The following RNF19B variants were observed in gnomAD, a reference collection of about 807,000 sequenced individuals.
The protein encoded by RNF19B is ring finger protein 19B, also known as E3 ubiquitin-protein ligase RNF19B.
Under a neutral mutation model 65.5 loss-of-function variants are expected in RNF19B, and 23 were observed. That is an observed-to-expected ratio of 0.35 (90% CI 0.25 to 0.50). The LOEUF is 0.50. Among genes scored for constraint, RNF19B ranks in the 20% least tolerant of loss-of-function variants. The pLI is 0.98. For synonymous variants in RNF19B, 372 were observed against 379.6 expected (o/e 0.98, Z 0.23); for missense variants, 794 against 980.0 (o/e 0.81, Z 2.53).
rs573825072 is a variant in RNF19B at position 32,941,569 on chromosome 1, G to A, written c.1610+683C>T. ...AAATAAAATAAAATAAATAAGCCAT[G>A]ATACAGCATAAATGCTACTGAAAGC... is the stretch of plus-strand genomic sequence containing the variant. On this transcript the variant is annotated intron_variant, in intron 7 of 8. Transcript: ENST00000235150. Among the ~76,000 whole-genome samples, 222 of 152,070 alleles carry A rather than the reference G, an allele frequency of 1.5e-3. 1 individual carries two copies. The highest frequency in any genetic ancestry group is 5.1e-3 in the African/African-American group (213 of 41,494).
At chr1:32,932,424 T>C (rs1240309024), downstream of RNF19B, among the ~76,000 whole-genome samples, 1 of 152,182 alleles carries the variant, frequency 6.6e-6, no homozygotes, top group Non-Finnish European at 1.5e-5. Context: ...CACTCCTCCT[T>C]CCACATCTTG....
At chr1:32,962,718 C>A (rs963766500) in intron 1 of RNF19B, among the ~76,000 whole-genome samples, 10 of 152,186 alleles carry the variant, frequency 6.6e-5, no homozygotes, top group African/African-American at 2.4e-4. Flanking sequence ...TACGTTTACA[C>A]ACTGCAAGGA....
At chr1:32,942,857 C>T (rs958626673) in intron 6 of RNF19B, among the ~76,000 whole-genome samples, 3 of 152,082 alleles carry the variant, frequency 2.0e-5, no homozygotes, top group Non-Finnish European at 4.4e-5. Flanking sequence ...GCTAGAAAAA[C>T]CGGCCGGGCG....
Position 32,964,239 on chromosome 1 carries a change from G to A in RNF19B, c.447C>T (p.Tyr149=), listed in dbSNP as rs759390897. 44 of 1,545,674 alleles carry A rather than the reference G, an allele frequency of 2.8e-5. No homozygotes were observed. In the Admixed American group the frequency reaches 4.1e-4, roughly 15 times the overall value. ...TGCTCTCGCTTATCTCCAGGCGCAG[G>A]TAGTGGCGGAGGCAGTCCCGGCACG... ...HRSCRDCLRH[Y]LRLEISESRV... Residue 149 remains tyrosine (Y), a synonymous_variant, in exon 1 of 9, where the codon TAC becomes TAT. Transcript: ENST00000235150. This position sits in a 1 kb window ranked among gnomAD's most constrained non-coding sequence, Gnocchi z 6.5.
Position 32,954,410 on chromosome 1 carries a change from C to T in RNF19B, c.636-4636G>A, listed in dbSNP as rs149452801. Among the ~76,000 whole-genome samples, 256 of 151,912 alleles carry T rather than the reference C, an allele frequency of 1.7e-3. 4 individuals are homozygous for T. Among genetic ancestry groups the T allele is most frequent in the African/African-American group, 6.0e-3 (247 of 41,458 alleles). ...TTTGGGTACCTGGTCTGAGCTCTTGCCTCTGACTCATGCTGCATGACATGA... is the reference window on the plus strand; with the variant it reads ...TTTGGGTACCTGGTCTGAGCTCTTGTCTCTGACTCATGCTGCATGACATGA... On this transcript the variant is annotated intron_variant, in intron 1 of 8. Transcript: ENST00000235150.
downstream of RNF19B, among the ~76,000 whole-genome samples, chr1:32,933,034 C>A (rs750958614): frequency 2.0e-5 from 3 of 152,162 alleles, no homozygotes; most frequent in African/African-American, 7.2e-5. Context: ...GCACTATCTA[C>A]CACTCTGTCT....
downstream of RNF19B, among the ~76,000 whole-genome samples, chr1:32,936,150 G>A (rs1211366595): frequency 6.6e-6 from 1 of 152,200 alleles, no homozygotes; most frequent in African/African-American, 2.4e-5. Context: ...AAAGTTTTAA[G>A]AGTAAATTGC....
rs777018166 is a variant in RNF19B, at chr1:32,948,211, T to G, written c.983+11A>C. The G allele has an allele frequency of 6.2e-7, 1 of 1,613,140 alleles. No homozygotes were observed. The highest frequency in any genetic ancestry group is 8.5e-7 in the Non-Finnish European group (1 of 1,179,386). On this transcript the variant is annotated intron_variant, in intron 3 of 8. Transcript: ENST00000235150. ...AGACTACGAAAGGAATGGATGCATT[T>G]CCCATCTTACCTGAGGTAATGCAAG...
downstream of RNF19B, among the ~76,000 whole-genome samples, chr1:32,933,212 T>C (rs979482214): frequency 6.6e-6 from 1 of 152,168 alleles, no homozygotes; most frequent in African/African-American, 2.4e-5. Context: ...GAAGGCTGTA[T>C]GAAGAGGAAA....
Position 32,955,556 on chromosome 1 carries a change from C to G in RNF19B, c.636-5782G>C, listed in dbSNP as rs1364758053. Reference sequence around the variant, plus strand: ...ACCAGTCTGGGCAACATGGCAAAACCCCATCTCTACAAAAAAAAAAAATAC... The same window carrying G: ...ACCAGTCTGGGCAACATGGCAAAACGCCATCTCTACAAAAAAAAAAAATAC... On this transcript the variant is annotated intron_variant, in intron 1 of 8. Transcript: ENST00000235150. Among the ~76,000 whole-genome samples the G allele has an allele frequency of 3.3e-5, 5 of 149,618 alleles. 1 individual carries two copies. The highest frequency in any genetic ancestry group is 7.5e-5 in the Non-Finnish European group (5 of 66,422).
intron 4 of RNF19B, 44 bp from the exon 5 acceptor site, chr1:32,945,672 C>A (rs1215278572): frequency 1.7e-6 from 2 of 1,156,236 alleles, no homozygotes; most frequent in Non-Finnish European, 2.6e-6. Context: ...GTTAGGACAT[C>A]AATCTTTTGC....
intron 4 of RNF19B, among the ~76,000 whole-genome samples, chr1:32,945,895 G>A (rs1479462933): frequency 1.3e-5 from 2 of 151,068 alleles, no homozygotes; most frequent in Non-Finnish European, 2.9e-5. Context: ...TTTTTTTGGA[G>A]TCTGTCATGC....
At chr1:32,951,183 CAT>C (rs927098041) in intron 1 of RNF19B, among the ~76,000 whole-genome samples, 1 of 152,124 alleles carries the variant, frequency 6.6e-6, no homozygotes, top group Admixed American at 6.5e-5. Flanking sequence ...TTGTCATTAA[CAT>C]ATTTAATATA....
In RNF19B at chr1:32,952,752, A is replaced by C. The variant is rs1268765574; in HGVS notation, c.636-2978T>G. Among the ~76,000 whole-genome samples the C allele has an allele frequency of 2.7e-5, 4 of 149,646 alleles. No individual in the cohort carries two copies. In the East Asian group the frequency reaches 7.8e-4, roughly 29 times the overall value. On this transcript the variant is annotated intron_variant, in intron 1 of 8. Transcript: ENST00000235150. The stretch of plus-strand genomic sequence containing the variant: ...TGACAGTGTGAGACTCCATCTCAAA[A>C]AAAAAAAAAAATCAGCCAGGTATGG...
chr1:32,949,509 C>T, intron 2 of RNF19B, 60 bp downstream of exon 2: 1 of 1,440,696 alleles, frequency 6.9e-7, no homozygotes, highest in Non-Finnish European at 9.7e-7. Context: ...TTTCTTTCAG[C>T]TATGGGCTCA....
chr1:32,952,478 C>T (rs188870462), intron 1 of RNF19B, among the ~76,000 whole-genome samples: 4 of 145,732 alleles, frequency 2.7e-5, no homozygotes, highest in East Asian at 2.0e-4. Context: ...CGTGGTGGCT[C>T]ACACCTGTAA....
chr1:32,953,315 C>T (rs368135035), intron 1 of RNF19B, among the ~76,000 whole-genome samples: 38 of 152,054 alleles, frequency 2.5e-4, no homozygotes, highest in African/African-American at 7.7e-4. Context: ...TGCAGGTTTC[C>T]GTGTTGCCAT....
downstream of RNF19B, among the ~76,000 whole-genome samples, chr1:32,932,855 CT>C (rs1383778623): frequency 6.6e-6 from 1 of 152,170 alleles, no homozygotes; most frequent in African/African-American, 2.4e-5. Flanking sequence ...CTATACTATG[CT>C]TTTTTGGAAA....
intron 1 of RNF19B, among the ~76,000 whole-genome samples, chr1:32,950,023 G>A (rs1465267966): frequency 6.6e-6 from 1 of 151,934 alleles, no homozygotes; most frequent in African/African-American, 2.4e-5. Context: ...ATTGTGGAGT[G>A]CAGTGGTGTA....
Sources: gnomAD v4.1 joint callset for allele counts (sites outside exome capture counted in the v4.1 genomes callset) on GRCh38, gnomAD v4.1.1 for gene constraint, Gnocchi (gnomAD v3.1) non-coding constraint, MANE v1.5 for transcripts, NCBI Gene and HGNC (gene_info 2026-07-23, HGNC 2026-07-21) for gene names.